RALGAPA2: variants seen among roughly 807,000 people sequenced by gnomAD.
RALGAPA2 encodes the protein ral GTPase-activating protein subunit alpha-2.
Under a neutral mutation model 230.4 loss-of-function variants are expected in RALGAPA2, and 139 were observed. The ratio of observed to expected loss-of-function variants is 0.60; its 90% CI spans 0.53 to 0.69. The LOEUF (loss-of-function observed/expected upper bound fraction) is 0.69. RALGAPA2 is among the 30% of genes least tolerant of loss of function. The pLI, the probability that RALGAPA2 is intolerant of heterozygous loss-of-function variation, is 0.00. For synonymous variants in RALGAPA2, 847 were observed against 837.8 expected (o/e 1.01, Z -0.19); for missense variants, 2,163 against 2,276.0 (o/e 0.95, Z 1.01).
At position 20,465,527 on chromosome 20, in the gene RALGAPA2, A is replaced by G. The variant is rs545257908; in HGVS notation, c.5495+7302T>C. On this transcript the variant is annotated intron_variant, in intron 37 of 39. Transcript: ENST00000202677. ...GATGGAGCTGAGAGAGGGGGGAAAG[A>G]GAGAAAGAAGGAAGAATGAGGCTGT... 6.6e-5 allele frequency among the ~76,000 whole-genome samples: 10 copies of G among 152,290 alleles called. No individual in the cohort carries two copies. In the East Asian group the frequency reaches 1.7e-3, roughly 26 times the overall value.
chr20:20,490,517 G>GT (rs1305311476), intron 36 of RALGAPA2, among the ~76,000 whole-genome samples: 1 of 152,126 alleles, frequency 6.6e-6, no homozygotes, highest in East Asian at 1.9e-4. Flanking sequence ...TCCCTGAGAA[G>GT]TTCCCAGAGC....
At chr20:20,531,945 TAAAG>T (rs1444543044) in intron 26 of RALGAPA2, 150 bp from the exon 27 acceptor site, 12 of 707,778 alleles carry the variant, frequency 1.7e-5, no homozygotes, top group Admixed American at 8.7e-5. Flanking sequence ...AAAGAAAAGA[TAAAG>T]AACCCTCAAT....
chr20:20,527,534 T>C (rs920596134), intron 27 of RALGAPA2, among the ~76,000 whole-genome samples: 1 of 152,144 alleles, frequency 6.6e-6, no homozygotes, highest in African/African-American at 2.4e-5. Flanking sequence ...GTGGCTTGCA[T>C]TGTTATACCT....
At chr20:20,400,900 T>C (rs1843636628) in intron 38 of RALGAPA2, among the ~76,000 whole-genome samples, 2 of 152,188 alleles carry the variant, frequency 1.3e-5, no homozygotes, top group Admixed American at 1.3e-4. Context: ...ACCTTGAGAA[T>C]ATGCTAAAAG....
intron 38 of RALGAPA2, among the ~76,000 whole-genome samples, chr20:20,397,751 C>T (rs960999795): frequency 6.6e-6 from 1 of 152,220 alleles, no homozygotes; most frequent in Non-Finnish European, 1.5e-5. Context: ...CACTAACATT[C>T]TTTTAGCCAA....
rs375634592 is a variant in RALGAPA2, at chr20:20,611,301, T to C, written c.1800+14A>G. ...ATTTCTTGCATTTGCAGTGCTTTCA[T>C]AAAAAAGACTTACCCTAAATAGTAA... On this transcript the variant is annotated intron_variant, in intron 14 of 39. Transcript: ENST00000202677. The C allele has an allele frequency of 1.3e-6, 2 of 1,592,192 alleles. No individual in the cohort carries two copies.
At chr20:20,588,678 G>C (rs746835670) in intron 18 of RALGAPA2, among the ~76,000 whole-genome samples, 1 of 152,160 alleles carries the variant, frequency 6.6e-6, no homozygotes, top group African/African-American at 2.4e-5. Flanking sequence ...TTGTCCAGTG[G>C]GAGGGGAGCA....
rs527579433 is a variant in RALGAPA2 at position 20,452,907 on chromosome 20, G to T, written c.5495+19922C>A. Among the ~76,000 whole-genome samples the T allele has an allele frequency of 5.9e-5, 9 of 152,288 alleles. No individual in the cohort carries two copies. In the South Asian group the frequency reaches 1.9e-3, roughly 32 times the overall value. On this transcript the variant is annotated intron_variant, in intron 37 of 39. Transcript: ENST00000202677. Reference sequence around the variant, plus strand: ...ATGGAGAGGTGTTGACCAGGCACTGGGGTGGTGGGGAGCCGTGAGTTGATG... The same window carrying T: ...ATGGAGAGGTGTTGACCAGGCACTGTGGTGGTGGGGAGCCGTGAGTTGATG...
At chr20:20,517,832 C>T (rs1435326927) in intron 31 of RALGAPA2, among the ~76,000 whole-genome samples, 2 of 147,240 alleles carry the variant, frequency 1.4e-5, no homozygotes, top group Non-Finnish European at 1.5e-5. Context: ...AAAAAAAAGT[C>T]AAATCAAGAA....
chr20:20,528,967 G>T (rs1335427876), intron 27 of RALGAPA2, among the ~76,000 whole-genome samples: 1 of 152,170 alleles, frequency 6.6e-6, no homozygotes, highest in East Asian at 1.9e-4. Flanking sequence ...TCTCATAGTG[G>T]TGGTTGTTCT....
intron 37 of RALGAPA2, among the ~76,000 whole-genome samples, chr20:20,435,688 AAAG>A (rs928078964): frequency 1.3e-5 from 2 of 152,184 alleles, no homozygotes; most frequent in Non-Finnish European, 2.9e-5. Flanking sequence ...GATTTTTAGC[AAAG>A]AAGGAGGCAG....
rs2064701799 is a variant in RALGAPA2 at position 20,573,072 on chromosome 20, T to C, written c.2708-4A>G. 3 of 1,596,410 alleles carry C rather than the reference T, an allele frequency of 1.9e-6. No homozygotes were observed. The highest frequency in any genetic ancestry group is 2.6e-6 in the Non-Finnish European group (3 of 1,170,410). ...TCTGTGAGGCACTCGCTGCTATCTA[T>C]GCAGAAAAACATGTCTGTTAACCCT... is the stretch of plus-strand genomic sequence containing the variant. On this transcript the variant is annotated splice_region_variant and splice_polypyrimidine_tract_variant and intron_variant, in intron 20 of 39. Coordinates refer to ENST00000202677, the MANE Select transcript of RALGAPA2 (RefSeq NM_020343.4).
chr20:20,555,971 T>C (rs1274427684), intron 23 of RALGAPA2, among the ~76,000 whole-genome samples: 2 of 152,178 alleles, frequency 1.3e-5, no homozygotes, highest in Non-Finnish European at 2.9e-5. Flanking sequence ...AAGACATCCT[T>C]GTCTTGTCCC....
At chr20:20,411,907 T>C in intron 38 of RALGAPA2, 120 bp downstream of exon 38, 4 of 1,319,244 alleles carry the variant, frequency 3.0e-6, no homozygotes, top group Non-Finnish European at 4.2e-6. Flanking sequence ...ATTCATTAGT[T>C]GATTCAGAGG....
At chr20:20,454,209 G>C (rs1234516682) in intron 37 of RALGAPA2, among the ~76,000 whole-genome samples, 2 of 152,224 alleles carry the variant, frequency 1.3e-5, no homozygotes, top group East Asian at 1.9e-4. Flanking sequence ...TTAAAGGTGA[G>C]ATGATCAGCA....
At chr20:20,682,490 T>C (rs371933178) in intron 1 of RALGAPA2, among the ~76,000 whole-genome samples, 2 of 152,242 alleles carry the variant, frequency 1.3e-5, no homozygotes, top group East Asian at 3.9e-4. Flanking sequence ...CTACTCACCC[T>C]CACTAGTCAG....
At chr20:20,588,525 G>A (rs1435342350) in intron 18 of RALGAPA2, among the ~76,000 whole-genome samples, 1 of 152,192 alleles carries the variant, frequency 6.6e-6, no homozygotes, top group Non-Finnish European at 1.5e-5. Flanking sequence ...GAGGGAACAA[G>A]GAAGGAGTGT....
chr20:20,697,122 A>G (rs1190732013), intron 1 of RALGAPA2, among the ~76,000 whole-genome samples: 2 of 152,218 alleles, frequency 1.3e-5, no homozygotes, highest in Non-Finnish European at 2.9e-5. Context: ...CTCAGTCACT[A>G]TATGTGGAAT....
chr20:20,474,467 T>C (rs2061607045), intron 36 of RALGAPA2, among the ~76,000 whole-genome samples: 1 of 152,204 alleles, frequency 6.6e-6, no homozygotes, highest in South Asian at 2.1e-4. Flanking sequence ...TTTTGGCACC[T>C]GTGTTGACAA....
Sources: gnomAD v4.1 joint callset for allele counts (sites outside exome capture counted in the v4.1 genomes callset) on GRCh38, gnomAD v4.1.1 for gene constraint, MANE v1.5 for transcripts, NCBI Gene and HGNC (gene_info 2026-07-23, HGNC 2026-07-21) for gene names.